STAU2: variants seen among roughly 807,000 people sequenced by gnomAD.
The protein encoded by STAU2 is double-stranded RNA-binding protein Staufen homolog 2.
In STAU2, 20 loss-of-function variants were observed where a neutral mutation model predicts 65.9. That is an observed-to-expected ratio of 0.30 (90% confidence interval 0.21 to 0.44). STAU2 has a LOEUF of 0.44. STAU2 is among the 20% of genes least tolerant of loss of function. STAU2 has a pLI of 1.00. For synonymous variants in STAU2, 232 were observed against 233.9 expected, an observed-to-expected ratio of 0.99 and a Z score of 0.07; for missense variants, 558 against 683.9, an observed-to-expected ratio of 0.82 and a Z score of 2.05.
intron 1 of STAU2, among the ~76,000 whole-genome samples, chr8:73,745,585 T>A (rs1047744172): frequency 1.3e-5 from 2 of 152,184 alleles, no homozygotes; most frequent in Admixed American, 1.3e-4. Context: ...AAAGCAAACA[T>A]TAAATAAAAA....
chr8:73,681,578 G>A (rs560184234), intron 5 of STAU2, among the ~76,000 whole-genome samples: 22 of 151,912 alleles, frequency 1.4e-4, no homozygotes, highest in Non-Finnish European at 2.7e-4. Context: ...CAGACAAAAG[G>A]TATTGGGGCA....
At chr8:73,683,978 G>T (rs1008619223) in intron 5 of STAU2, among the ~76,000 whole-genome samples, 2 of 152,114 alleles carry the variant, frequency 1.3e-5, no homozygotes, top group African/African-American at 2.4e-5. Flanking sequence ...ACAAATGGAA[G>T]CACATCCCAA....
At chr8:73,724,809 T>C (rs1224467055) in intron 3 of STAU2, among the ~76,000 whole-genome samples, 1 of 151,820 alleles carries the variant, frequency 6.6e-6, no homozygotes, top group Non-Finnish European at 1.5e-5. Context: ...CACTTCAGCC[T>C]CCCAAGTAGC....
At chr8:73,429,162 A>C (rs1470313331) in intron 13 of STAU2, among the ~76,000 whole-genome samples, 1 of 152,194 alleles carries the variant, frequency 6.6e-6, no homozygotes, top group East Asian at 1.9e-4. Context: ...TTCAATTTAT[A>C]AGAGGCAGTG....
rs551244154 is a variant in STAU2 at position 73,523,536 on chromosome 8, C to T, written c.1530+28476G>A. Among the ~76,000 whole-genome samples the T allele has an allele frequency of 1.6e-4, 25 of 152,230 alleles. No individual in the cohort carries two copies. The South Asian group carries it at 3.3e-3, about 20-fold the overall frequency. On this transcript the variant is annotated intron_variant, in intron 13 of 14. Transcript: ENST00000524300. ...TTCTACCACCACAATTAAGATGTAA[C>T]ACATTTCCATTACCTCCCAAAACTC...
intron 12 of STAU2, among the ~76,000 whole-genome samples, chr8:73,557,014 T>C (rs926901937): frequency 7.4e-6 from 1 of 135,606 alleles, no homozygotes; most frequent in Admixed American, 7.3e-5. Context: ...ATAAACATTA[T>C]ATATATTTTA....
intron 13 of STAU2, among the ~76,000 whole-genome samples, chr8:73,469,207 A>C (rs866234357): frequency 6.6e-6 from 1 of 152,164 alleles, no homozygotes; most frequent in Non-Finnish European, 1.5e-5. Context: ...TCACAAGGAC[A>C]AAAAATCAAA....
rs753980385 is a variant in STAU2, at chr8:73,613,836, T to C, written c.799A>G (p.Thr267Ala). The C allele has an allele frequency of 6.2e-7, 1 of 1,613,694 alleles. No homozygotes were observed. Among genetic ancestry groups the C allele is most frequent in the Non-Finnish European group, 8.5e-7 (1 of 1,179,836 alleles). The change falls in exon 9 of 15, where the codon ACC becomes GCC. Residue 267 changes from threonine (T) to alanine (A), a missense_variant. By Grantham distance (58) the Thr-to-Ala change is moderately conservative (BLOSUM62 0). This residue lies in a region of STAU2 where 199 missense variants were observed against 299.5 expected (regional missense o/e 0.66). Coordinates refer to ENST00000524300, the MANE Select transcript of STAU2 (RefSeq NM_001164380.2). ...KKLSKKRAATTVLQELKKLPP... is the reference protein window; with the variant it reads ...KKLSKKRAATAVLQELKKLPP... ...AGTTTTTTAAGCTCCTGTAAGACGGTGGTCGCAGCGCGCTTCTTGGAGAGT... is the reference window on the plus strand; with the variant it reads ...AGTTTTTTAAGCTCCTGTAAGACGGCGGTCGCAGCGCGCTTCTTGGAGAGT...
chr8:73,496,883 A>G (rs940894631), intron 13 of STAU2, among the ~76,000 whole-genome samples: 1 of 151,724 alleles, frequency 6.6e-6, no homozygotes, highest in East Asian at 1.9e-4. Flanking sequence ...TGGTTAACGT[A>G]TTAGACAGCA....
chr8:73,626,396 G>T (rs1813640968), intron 6 of STAU2, among the ~76,000 whole-genome samples: 1 of 152,202 alleles, frequency 6.6e-6, no homozygotes. Context: ...CTAGGTCTGA[G>T]AAGTCACCAG....
chr8:73,514,893 TA>T (rs1262177544), intron 13 of STAU2, among the ~76,000 whole-genome samples: 1 of 152,216 alleles, frequency 6.6e-6, no homozygotes, highest in Non-Finnish European at 1.5e-5. Context: ...CTTTTAATTA[TA>T]ATCAATTTAG....
chr8:73,713,584 G>A (rs147085118), intron 3 of STAU2, among the ~76,000 whole-genome samples: 198 of 152,254 alleles, frequency 1.3e-3, no homozygotes, highest in African/African-American at 3.5e-3. Flanking sequence ...ACAAGGGAAC[G>A]TGAGAGACAG....
intron 5 of STAU2, among the ~76,000 whole-genome samples, chr8:73,674,179 G>A (rs1481170907): frequency 1.4e-5 from 2 of 147,556 alleles, no homozygotes; most frequent in Admixed American, 1.4e-4. Context: ...GTCTCTGAAT[G>A]TACACTGTTT....
At chr8:73,481,634 TGTTA>T (rs966486168) in intron 13 of STAU2, among the ~76,000 whole-genome samples, 63 of 152,272 alleles carry the variant, frequency 4.1e-4, no homozygotes, top group African/African-American at 1.5e-3. Flanking sequence ...AATTGTTGTA[TGTTA>T]GTTATATACT....
intron 12 of STAU2, among the ~76,000 whole-genome samples, chr8:73,556,106 T>C (rs1014932195): frequency 1.3e-5 from 2 of 152,200 alleles, no homozygotes; most frequent in African/African-American, 2.4e-5. Flanking sequence ...GTTAAATACA[T>C]AGGAATAAAA....
At chr8:73,612,044 A>G (rs73330839) in intron 9 of STAU2, among the ~76,000 whole-genome samples, 4,321 of 152,274 alleles carry the variant, frequency 0.028, 174 homozygotes, top group African/African-American at 0.095. Flanking sequence ...TAGAGCAGAC[A>G]GAAGTTATGT....
intron 6 of STAU2, among the ~76,000 whole-genome samples, chr8:73,630,512 C>A (rs555581635): frequency 6.6e-6 from 1 of 152,190 alleles, no homozygotes; most frequent in African/African-American, 2.4e-5. Flanking sequence ...AATACAGATA[C>A]GTGTATTTTA....
chr8:73,628,062 A>AT (rs919596095), intron 6 of STAU2, among the ~76,000 whole-genome samples: 5 of 150,596 alleles, frequency 3.3e-5, no homozygotes, highest in Admixed American at 6.6e-5. Flanking sequence ...AAAACATACA[A>AT]TTTTTTTTAA....
intron 3 of STAU2, among the ~76,000 whole-genome samples, chr8:73,710,703 TTTAA>T (rs1416558885): frequency 2.0e-5 from 3 of 152,028 alleles, no homozygotes; most frequent in Non-Finnish European, 4.4e-5. Context: ...TATAGACACA[TTTAA>T]TTACTTTTTT....
Sources: gnomAD v4.1 joint callset for allele counts (sites outside exome capture counted in the v4.1 genomes callset) on GRCh38, gnomAD v4.1.1 for gene constraint, gnomAD v4.1.1 regional missense constraint, MANE v1.5 for transcripts, NCBI Gene and HGNC (gene_info 2026-07-23, HGNC 2026-07-21) for gene names.